The following SH3PXD2B variants were observed in gnomAD, a reference collection of about 807,000 sequenced individuals.
The protein encoded by SH3PXD2B is SH3 and PX domains 2B.
A neutral mutation model predicts 73.1 loss-of-function variants in SH3PXD2B; 37 were observed. The observed-to-expected ratio is 0.51, with a 90% confidence interval of 0.39 to 0.67. The LOEUF (loss-of-function observed/expected upper bound fraction) is 0.67, where lower values mean the gene tolerates loss of function less well. SH3PXD2B is among the 30% of genes least tolerant of loss of function. The pLI is 0.00. For synonymous variants in SH3PXD2B, 457 were observed against 480.5 expected (o/e 0.95, Z 0.64); for missense variants, 1,053 against 1,197.8 (o/e 0.88, Z 1.78).
intron 8 of SH3PXD2B, among the ~76,000 whole-genome samples, chr5:172,357,708 C>T (rs1006575471): frequency 2.0e-5 from 3 of 152,186 alleles, no homozygotes; most frequent in Admixed American, 2.0e-4. Flanking sequence ...TGTTACCCCC[C>T]ACAGTGCCTG....
chr5:172,382,023 C>A lies in SH3PXD2B; in HGVS notation c.401+13G>T, dbSNP rs753077916. The A allele has an allele frequency of 5.0e-6, 8 of 1,605,526 alleles. No individual in the cohort carries two copies. In the African/African-American group the frequency reaches 8.0e-5, roughly 16 times the overall value. ...GTGGGGCTCCATCTGGGGAAGCCCA[C>A]AAACAAACTTACTCTTTGGGGGGAT... On this transcript the variant is annotated intron_variant, in intron 5 of 12. Coordinates refer to ENST00000311601, the MANE Select transcript of SH3PXD2B (RefSeq NM_001017995.3).
chr5:172,378,334 G>A (rs149577037), intron 5 of SH3PXD2B, among the ~76,000 whole-genome samples: 142 of 152,332 alleles, frequency 9.3e-4, no homozygotes, highest in African/African-American at 3.3e-3. Context: ...CCGCCAGCGC[G>A]GGGCTTCTTC....
chr5:172,346,953 G>A (rs542220680), intron 11 of SH3PXD2B, among the ~76,000 whole-genome samples: 1 of 152,326 alleles, frequency 6.6e-6, no homozygotes, highest in East Asian at 1.9e-4. Context: ...GACCACAGAT[G>A]ATATTTGTGT....
In SH3PXD2B at chr5:172,335,368, C is replaced by T; in HGVS notation, c.*3001G>A. ...GGAGGGTCACTTGATTCCCTGGAAGCCCTCCGCACACTTCCCTGCTAATGG... is the reference window on the plus strand; with the variant it reads ...GGAGGGTCACTTGATTCCCTGGAAGTCCTCCGCACACTTCCCTGCTAATGG... On this transcript the variant is annotated 3_prime_UTR_variant, in exon 13 of 13. Coordinates refer to ENST00000311601, the MANE Select transcript of SH3PXD2B (RefSeq NM_001017995.3). 8.2e-7 allele frequency: 1 copy of T among 1,217,262 alleles called. No homozygotes were observed. The highest frequency in any genetic ancestry group is 1.0e-6 in the Non-Finnish European group (1 of 979,320). The allele number at this position is 1,217,262 out of a possible 1,614,324, so 75.4% of individuals were successfully genotyped here. A position where few individuals can be genotyped will look rare whatever the true frequency, so the allele number is the denominator to read the frequency against.
rs984719359 is a variant in SH3PXD2B at position 172,386,535 on chromosome 5, A to T, written c.310-4408T>A. Reference sequence around the variant, plus strand: ...GCAGAGCCTCCGGTAGGCAGGTAACAGCAGTTAGCCAGATTTAAAAACGTT... The same window carrying T: ...GCAGAGCCTCCGGTAGGCAGGTAACTGCAGTTAGCCAGATTTAAAAACGTT... On this transcript the variant is annotated intron_variant, in intron 4 of 12. Coordinates refer to ENST00000311601, the MANE Select transcript of SH3PXD2B (RefSeq NM_001017995.3). Among the ~76,000 whole-genome samples, 6 of 152,194 alleles carry T rather than the reference A, an allele frequency of 3.9e-5. No homozygotes were observed. The East Asian group carries it at 1.2e-3, about 29-fold the overall frequency.
At chr5:172,388,211 T>C (rs1236346407) in intron 4 of SH3PXD2B, among the ~76,000 whole-genome samples, 2 of 152,248 alleles carry the variant, frequency 1.3e-5, no homozygotes, top group Admixed American at 6.5e-5. Flanking sequence ...CATTGTAATA[T>C]AAACTTGGTA....
At chr5:172,332,578 G>A (rs7707331), downstream of SH3PXD2B, among the ~76,000 whole-genome samples, 97,463 of 151,672 alleles carry the variant, frequency 0.64, 31,489 homozygotes, top group South Asian at 0.84. Context: ...TCCTTCTAAT[G>A]GGGACACAGA....
At chr5:172,414,169 TAGA>T (rs1045542031) in intron 2 of SH3PXD2B, among the ~76,000 whole-genome samples, 4 of 152,116 alleles carry the variant, frequency 2.6e-5, no homozygotes, top group Admixed American at 6.5e-5. Context: ...ACCAGGGTCT[TAGA>T]AGGAGACAGG....
In SH3PXD2B at chr5:172,338,635, G is replaced by A. The variant is rs1756761314; in HGVS notation, c.2470C>T (p.Leu824=). Residue 824 remains leucine, a synonymous_variant, in exon 13 of 13, where the codon CTG becomes TTG. Coordinates refer to ENST00000311601, the MANE Select transcript of SH3PXD2B (RefSeq NM_001017995.3). This position sits in a 1 kb window ranked among gnomAD's most constrained non-coding sequence, Gnocchi z 5.1. ...GQDDTRGKGS[L]GPWGTGKIGE... ...ATCTTGCCGGTCCCCCATGGCCCCAGGCTGCCTTTGCCTCGCGTGTCATCC... is the reference window on the plus strand; with the variant it reads ...ATCTTGCCGGTCCCCCATGGCCCCAAGCTGCCTTTGCCTCGCGTGTCATCC... The A allele has an allele frequency of 6.2e-7, 1 of 1,614,032 alleles. No homozygotes were observed. Among genetic ancestry groups the A allele is most frequent in the Non-Finnish European group, 8.5e-7 (1 of 1,180,028 alleles).
intron 3 of SH3PXD2B, 130 bp downstream of exon 3, chr5:172,406,147 T>A: frequency 9.3e-7 from 1 of 1,076,888 alleles, no homozygotes; most frequent in Non-Finnish European, 1.4e-6. Flanking sequence ...TTTCTACAAA[T>A]GGCTGAGATT....
In SH3PXD2B at chr5:172,337,508, G is replaced by A. The variant is rs886060417; in HGVS notation, c.*861C>T. The A allele has an allele frequency of 1.0e-5, 10 of 985,340 alleles. No homozygotes were observed. Among genetic ancestry groups the A allele is most frequent in the Admixed American group, 6.1e-5 (1 of 16,272 alleles). The allele number at this position is 985,340 out of a possible 1,614,324, so 61.0% of individuals were successfully genotyped here. ...TGGCACCCACGAGGCACTCAGCAAA[G>A]GGGTGCTCACAAGGGCACGACTTGT... On this transcript the variant is annotated 3_prime_UTR_variant, in exon 13 of 13. Transcript: ENST00000311601.
rs947515698 is a variant in SH3PXD2B at position 172,339,598 on chromosome 5, A to G, written c.1507T>C (p.Ser503Pro). 4 of 1,614,140 alleles carry G rather than the reference A, an allele frequency of 2.5e-6. No individual in the cohort carries two copies. The African/African-American group carries it at 5.3e-5, about 22-fold the overall frequency. The change falls in exon 13 of 13, where the codon TCT (serine) becomes CCT (proline). Residue 503 changes from serine (S) to proline (P), a missense_variant. Physicochemically the swap from Ser to Pro is moderately conservative, Grantham distance 74. Around this residue, in one of 2 missense-constraint regions of SH3PXD2B, gnomAD observed 587 missense variants for 590.7 expected, o/e 0.99. Coordinates refer to ENST00000311601, the MANE Select transcript of SH3PXD2B (RefSeq NM_001017995.3). This position sits in a 1 kb window ranked among gnomAD's most constrained non-coding sequence, Gnocchi z 6.1. ...DVLRKASSDMSASAGYEEISD... is the reference protein window; with the variant it reads ...DVLRKASSDMPASAGYEEISD... Reference sequence around the variant, plus strand: ...ATCTCCTCGTAGCCTGCTGACGCAGACATGTCTGAAGATGCCTTCCTCAGG... The same window carrying G: ...ATCTCCTCGTAGCCTGCTGACGCAGGCATGTCTGAAGATGCCTTCCTCAGG...
At chr5:172,406,866 G>A (rs944210663) in intron 2 of SH3PXD2B, among the ~76,000 whole-genome samples, 2 of 152,296 alleles carry the variant, frequency 1.3e-5, no homozygotes, top group East Asian at 1.9e-4. Flanking sequence ...GCGAGGAAAA[G>A]ATTCATAATC....
At chr5:172,332,663 T>C (rs760153261), downstream of SH3PXD2B, among the ~76,000 whole-genome samples, 8 of 152,106 alleles carry the variant, frequency 5.3e-5, no homozygotes, top group Non-Finnish European at 1.2e-4. Context: ...TAAAGAAGCA[T>C]GAATATTGCA....
intron 4 of SH3PXD2B, among the ~76,000 whole-genome samples, chr5:172,390,815 TTGTG>T (rs56116617): frequency 0.066 from 9,244 of 139,780 alleles, 295 homozygotes; most frequent in Middle Eastern, 0.091. Context: ...TTCCCGTCTT[TTGTG>T]TGTGTGTGTG....
At chr5:172,385,493 C>T (rs1758040341) in intron 4 of SH3PXD2B, among the ~76,000 whole-genome samples, 2 of 152,346 alleles carry the variant, frequency 1.3e-5, no homozygotes, top group African/African-American at 4.8e-5. Context: ...GGCAGGGTGG[C>T]AGCTGTTCCT....
chr5:172,378,895 C>T (rs1757878798), intron 5 of SH3PXD2B, among the ~76,000 whole-genome samples: 1 of 151,884 alleles, frequency 6.6e-6, no homozygotes, highest in Admixed American at 6.6e-5. Flanking sequence ...ACGGTGAAAC[C>T]CCGTCTCTAC....
intron 1 of SH3PXD2B, among the ~76,000 whole-genome samples, chr5:172,447,911 G>A (rs1759709719): frequency 6.6e-6 from 1 of 152,180 alleles, no homozygotes; most frequent in Admixed American, 6.5e-5. Context: ...GGATGGGGGA[G>A]CATGGTTGAC....
chr5:172,346,029 C>T (rs1756989562), intron 12 of SH3PXD2B, 107 bp downstream of exon 12: 3 of 1,560,716 alleles, frequency 1.9e-6, no homozygotes, highest in East Asian at 2.3e-5. Flanking sequence ...TTAATCTCCG[C>T]CCCACCTCCA....
Sources: gnomAD v4.1 joint callset for allele counts (sites outside exome capture counted in the v4.1 genomes callset) on GRCh38, gnomAD v4.1.1 for gene constraint, gnomAD v4.1.1 regional missense constraint, Gnocchi (gnomAD v3.1) non-coding constraint, MANE v1.5 for transcripts, NCBI Gene and HGNC (gene_info 2026-07-23, HGNC 2026-07-21) for gene names.